TPD52L3: variants seen among roughly 807,000 people sequenced by gnomAD.
TPD52L3 encodes the protein TPD52 like 3.
In TPD52L3, 12 loss-of-function variants were observed where a neutral mutation model predicts 8.7. The ratio of observed to expected loss-of-function variants is 1.38; its 90% confidence interval spans 0.89 to 2.24. The LOEUF (loss-of-function observed/expected upper bound fraction) is 2.24. Among genes scored for constraint, TPD52L3 ranks in the 30% most tolerant of loss-of-function variants. The pLI is 0.00. For missense variants in TPD52L3, 207 were observed against 158.7 expected, an observed-to-expected ratio of 1.30 and a Z score of -1.64; for synonymous variants, 79 against 66.8, an observed-to-expected ratio of 1.18 and a Z score of -0.89.
In TPD52L3 at chr9:6,331,536, A is replaced by G. The variant is rs925744443; in HGVS notation, c.*517A>G. The G allele has an allele frequency of 2.0e-5, 3 of 152,338 alleles. No homozygotes were observed. The highest frequency in any genetic ancestry group is 2.9e-5 in the Non-Finnish European group (2 of 68,124). The allele number at this position is 152,338 out of a possible 1,614,324, so 9.4% of individuals were successfully genotyped here. A position where few individuals can be genotyped will look rare whatever the true frequency, so the allele number is the denominator to read the frequency against. On this transcript the variant is annotated 3_prime_UTR_variant, in exon 2 of 2. Transcript: ENST00000314556. ...AATGGTGTTACGTGAGTAAGAAAAA[A>G]TAAGCAGGGGGCAAAATCATAAGTA...
chr9:6,330,226 C>A (rs1397637037), intron 1 of TPD52L3: 2 of 1,613,250 alleles, frequency 1.2e-6, no homozygotes, highest in South Asian at 2.2e-5. Context: ...CTCTGGAGAG[C>A]TCAAGACAGT....
rs1247364556 is a variant in TPD52L3 at position 6,331,707 on chromosome 9, A to T, written c.*688A>T. 1 of 152,186 alleles carries T rather than the reference A, an allele frequency of 6.6e-6. No homozygotes were observed. The highest frequency in any genetic ancestry group is 2.4e-5 in the African/African-American group (1 of 41,446). 9.4% of individuals were successfully genotyped at this position (152,186 alleles called of 1,614,324 possible). On this transcript the variant is annotated 3_prime_UTR_variant, in exon 2 of 2. Transcript: ENST00000314556. ...ATAGATTAAGTATTTAAGAGGTAGA[A>T]TCTCTCAGACTTAGGAACCAACTGC...
In TPD52L3 at chr9:6,328,503, G is replaced by A; in HGVS notation, c.-93G>A. The A allele has an allele frequency of 1.4e-6, 2 of 1,476,626 alleles. No homozygotes were observed. Among genetic ancestry groups the A allele is most frequent in the Non-Finnish European group, 9.1e-7 (1 of 1,101,278 alleles). The allele number at this position is 1,476,626 out of a possible 1,614,324, so 91.5% of individuals were successfully genotyped here. A position where few individuals can be genotyped will look rare whatever the true frequency, so the allele number is the denominator to read the frequency against. On this transcript the variant is annotated 5_prime_UTR_variant, in exon 1 of 2. Coordinates refer to ENST00000314556, the MANE Select transcript of TPD52L3 (RefSeq NM_001001874.3). ...TGCAGGCCTAGATTTCGACTCTGCT[G>A]GCCAAGATTATTTCTCTGCAGCCCA...
At chr9:6,330,367 T>C (rs536806927) in intron 1 of TPD52L3, 1 of 1,444,028 alleles carries the variant, frequency 6.9e-7, no homozygotes, top group East Asian at 2.5e-5. Context: ...CTAGACACAC[T>C]GCCTGAGATA....
chr9:6,330,328 G>T (rs1428348557), intron 1 of TPD52L3: 2 of 1,518,748 alleles, frequency 1.3e-6, no homozygotes, highest in Non-Finnish European at 1.8e-6. Context: ...TTTTCAAAAT[G>T]CCAAGATCTG....
Position 6,328,412 on chromosome 9 carries a change from T to C in TPD52L3, c.-184T>C. 1 of 551,882 alleles carries C rather than the reference T, an allele frequency of 1.8e-6. No individual in the cohort carries two copies. The highest frequency in any genetic ancestry group is 3.1e-6 in the Non-Finnish European group (1 of 322,210). 34.2% of individuals were successfully genotyped at this position (551,882 alleles called of 1,614,324 possible). On this transcript the variant is annotated 5_prime_UTR_variant, in exon 1 of 2. Transcript: ENST00000314556. ...GTCAACTCAACTGTCAAGGTGTCCA[T>C]TGTACCAGCTGGGCCATGGATCCCT...
intron 1 of TPD52L3, chr9:6,330,141 T>C: frequency 1.2e-6 from 2 of 1,613,236 alleles, no homozygotes; most frequent in Non-Finnish European, 1.7e-6. Flanking sequence ...GACCTAACTA[T>C]ACATCTTTGC....
At position 6,328,469 on chromosome 9, in the gene TPD52L3, G is replaced by T. The variant is rs1357992269; in HGVS notation, c.-127G>T. 3 of 1,179,150 alleles carry T rather than the reference G, an allele frequency of 2.5e-6. No individual in the cohort carries two copies. The highest frequency in any genetic ancestry group is 3.6e-6 in the Non-Finnish European group (3 of 838,902). 73.0% of individuals were successfully genotyped at this position (1,179,150 alleles called of 1,614,324 possible). A position where few individuals can be genotyped will look rare whatever the true frequency, so the allele number is the denominator to read the frequency against. ...TGAAATCTGACTCCACCTGCCAAGAGTCTGAGCCTGCAGGCCTAGATTTCG... is the reference window on the plus strand; with the variant it reads ...TGAAATCTGACTCCACCTGCCAAGATTCTGAGCCTGCAGGCCTAGATTTCG... On this transcript the variant is annotated 5_prime_UTR_variant, in exon 1 of 2. Transcript: ENST00000314556.
In TPD52L3 at chr9:6,328,577, A is replaced by C; in HGVS notation, c.-19A>C. On this transcript the variant is annotated 5_prime_UTR_variant, in exon 1 of 2. Coordinates refer to ENST00000314556, the MANE Select transcript of TPD52L3 (RefSeq NM_001001874.3). ...AATTGGACCTGGACTCTCTTAACGA[A>C]GATCTTCTTTCCCAGTCCATGCCAC... 3 of 1,608,564 alleles carry C rather than the reference A, an allele frequency of 1.9e-6. No individual in the cohort carries two copies. Among genetic ancestry groups the C allele is most frequent in the Non-Finnish European group, 2.5e-6 (3 of 1,178,394 alleles).
chr9:6,330,018 G>A, intron 1 of TPD52L3: 2 of 1,370,870 alleles, frequency 1.5e-6, no homozygotes, highest in South Asian at 4.3e-5. Context: ...TCCAGCTGAG[G>A]GGCTGGAGGA....
chr9:6,330,600 T>A lies in TPD52L3; in HGVS notation c.368-376T>A, dbSNP rs1818133825. Reference sequence around the variant, plus strand: ...GGTAAACTGTAAAGTTACTCATGTATCCCAACCCTCCACAGATTTCTGAAG... The same window carrying A: ...GGTAAACTGTAAAGTTACTCATGTAACCCAACCCTCCACAGATTTCTGAAG... On this transcript the variant is annotated intron_variant, in intron 1 of 1. Transcript: ENST00000314556. 3.4e-6 allele frequency: 4 copies of A among 1,171,008 alleles called. No homozygotes were observed. The South Asian group carries it at 1.1e-4, about 31-fold the overall frequency. 72.5% of individuals were successfully genotyped at this position (1,171,008 alleles called of 1,614,324 possible).
In TPD52L3 at chr9:6,328,443, C is replaced by A; in HGVS notation, c.-153C>A. On this transcript the variant is annotated 5_prime_UTR_variant, in exon 1 of 2. The change creates a new upstream start codon in the 5' untranslated region. Coordinates refer to ENST00000314556, the MANE Select transcript of TPD52L3 (RefSeq NM_001001874.3). ...CAGCTGGGCCATGGATCCCTCCCGC[C>A]TGAAATCTGACTCCACCTGCCAAGA... 1.1e-6 allele frequency: 1 copy of A among 932,704 alleles called. No individual in the cohort carries two copies. The highest frequency in any genetic ancestry group is 1.6e-6 in the Non-Finnish European group (1 of 620,722). 57.8% of individuals were successfully genotyped at this position (932,704 alleles called of 1,614,324 possible). A position where few individuals can be genotyped will look rare whatever the true frequency, so the allele number is the denominator to read the frequency against.
Position 6,328,521 on chromosome 9 carries a change from G to A in TPD52L3, c.-75G>A. 6.6e-7 allele frequency: 1 copy of A among 1,520,536 alleles called. No homozygotes were observed. The highest frequency in any genetic ancestry group is 1.8e-4 in the Middle Eastern group (1 of 5,674). 94.2% of individuals were successfully genotyped at this position (1,520,536 alleles called of 1,614,324 possible). On this transcript the variant is annotated 5_prime_UTR_variant, in exon 1 of 2. Transcript: ENST00000314556. Reference sequence around the variant, plus strand: ...CTCTGCTGGCCAAGATTATTTCTCTGCAGCCCAATAATTCGACTCTTTCTA... The same window carrying A: ...CTCTGCTGGCCAAGATTATTTCTCTACAGCCCAATAATTCGACTCTTTCTA...
intron 1 of TPD52L3, chr9:6,329,382 T>A: frequency 9.3e-7 from 1 of 1,070,870 alleles, no homozygotes; most frequent in Non-Finnish European, 1.1e-6. Context: ...ATTTTTCACT[T>A]AAGTTTGTAG....
chr9:6,330,418 C>G, intron 1 of TPD52L3: 1 of 1,371,182 alleles, frequency 7.3e-7, no homozygotes, highest in Non-Finnish European at 9.4e-7. Flanking sequence ...GACTAGGACC[C>G]TTATGGGTAC....
In TPD52L3 at chr9:6,329,638, T is replaced by G. The variant is rs1235218398; in HGVS notation, c.367+676T>G. 7 of 1,001,488 alleles carry G rather than the reference T, an allele frequency of 7.0e-6. No individual in the cohort carries two copies. In the African/African-American group the frequency reaches 8.7e-5, roughly 12 times the overall value. 62.0% of individuals were successfully genotyped at this position (1,001,488 alleles called of 1,614,324 possible). ...TCAGTCTCAAAGTCACCTTGAAAGC[T>G]TCACCTGGCCTACAACTTTTATTTT... On this transcript the variant is annotated intron_variant, in intron 1 of 1. Coordinates refer to ENST00000314556, the MANE Select transcript of TPD52L3 (RefSeq NM_001001874.3).
At position 6,330,831 on chromosome 9, in the gene TPD52L3, T is replaced by C. The variant is rs1369681301; in HGVS notation, c.368-145T>C. 3 of 1,435,912 alleles carry C rather than the reference T, an allele frequency of 2.1e-6. No homozygotes were observed. In the East Asian group the frequency reaches 7.6e-5, roughly 37 times the overall value. The allele number at this position is 1,435,912 out of a possible 1,614,324, so 88.9% of individuals were successfully genotyped here. A position where few individuals can be genotyped will look rare whatever the true frequency, so the allele number is the denominator to read the frequency against. On this transcript the variant is annotated intron_variant, in intron 1 of 1. Transcript: ENST00000314556. Reference sequence around the variant, plus strand: ...TGTTAGGGACAATCTCAGACTATTATCATGGGCCAAACCTGAGAGATGTTA... The same window carrying C: ...TGTTAGGGACAATCTCAGACTATTACCATGGGCCAAACCTGAGAGATGTTA...
At chr9:6,329,796 G>C (rs1240857449) in intron 1 of TPD52L3, 6 of 1,051,662 alleles carry the variant, frequency 5.7e-6, no homozygotes, top group East Asian at 8.5e-5. Flanking sequence ...TCTGGACTAA[G>C]CAAAACAACA....
intron 1 of TPD52L3, chr9:6,329,677 A>G (rs1452036745): frequency 3.0e-6 from 3 of 1,001,798 alleles, no homozygotes; most frequent in Non-Finnish European, 3.6e-6. Flanking sequence ...AAGATGATCA[A>G]GAAAACTTCA....
Sources: allele counts gnomAD v4.1 joint callset, GRCh38; gene constraint gnomAD v4.1.1; transcripts MANE v1.5; gene names NCBI Gene and HGNC (gene_info 2026-07-23, HGNC 2026-07-21).